The following CTSB variants were observed in gnomAD, a reference collection of about 807,000 sequenced individuals.
The protein encoded by CTSB is cathepsin B.
In CTSB, 57 loss-of-function variants were observed where a neutral mutation model predicts 44.3. That is an observed-to-expected ratio of 1.29 (90% confidence interval 1.04 to 1.60). The LOEUF (loss-of-function observed/expected upper bound fraction) is 1.60, where lower values mean the gene tolerates loss of function less well. CTSB is among the 40% of genes most tolerant of loss of function. CTSB has a pLI of 0.00. For synonymous variants in CTSB, 320 were observed against 168.0 expected (o/e 1.91, Z -7.00); for missense variants, 768 against 443.0 (o/e 1.73, Z -6.59).
intron 4 of CTSB, 33 bp downstream of exon 4, chr8:11,850,833 C>A (rs1364745836): frequency 6.6e-7 from 1 of 1,524,144 alleles, no homozygotes. Flanking sequence ...CACTTTCTCT[C>A]CAGCGCTTCC....
At position 11,843,140 on chromosome 8, in the gene CTSB, G is replaced by C. The variant is rs1812565406; in HGVS notation, c.*1985C>G. ...ATTTTTGTATTTTTAGTAGAGGTGAGGTTTCAGCATGTTGGCCAGGCTGGT... is the reference window on the plus strand; with the variant it reads ...ATTTTTGTATTTTTAGTAGAGGTGACGTTTCAGCATGTTGGCCAGGCTGGT... On this transcript the variant is annotated 3_prime_UTR_variant, in exon 10 of 10. Transcript: ENST00000353047. The C allele has an allele frequency of 1.3e-5, 2 of 151,864 alleles. No individual in the cohort carries two copies. The highest frequency in any genetic ancestry group is 2.9e-5 in the Non-Finnish European group (2 of 68,068). 9.4% of individuals were successfully genotyped at this position (151,864 alleles called of 1,614,324 possible). A position where few individuals can be genotyped will look rare whatever the true frequency, so the allele number is the denominator to read the frequency against.
At chr8:11,866,545 G>A (rs370497781) in intron 1 of CTSB, among the ~76,000 whole-genome samples, 3 of 152,218 alleles carry the variant, frequency 2.0e-5, no homozygotes, top group Non-Finnish European at 4.4e-5. Context: ...CTTTCTCCAG[G>A]AGCTGGCGGG....
chr8:11,847,606 G>T (rs950411269), intron 7 of CTSB, 73 bp downstream of exon 7: 4 of 1,469,004 alleles, frequency 2.7e-6, no homozygotes, highest in Non-Finnish European at 2.7e-6. Flanking sequence ...TGACCTCTTC[G>T]CTGCAGCGTG....
intron 1 of CTSB, among the ~76,000 whole-genome samples, chr8:11,856,959 G>A (rs1180051493): frequency 1.3e-5 from 2 of 152,138 alleles, no homozygotes; most frequent in Non-Finnish European, 2.9e-5. Flanking sequence ...ACTGATAAAA[G>A]GACATTTGTT....
intron 8 of CTSB, chr8:11,846,188 C>G (rs750108723): frequency 6.5e-6 from 1 of 153,888 alleles, no homozygotes; most frequent in African/African-American, 2.4e-5. Flanking sequence ...GCTCCAGGTA[C>G]ACCCTGAAGA....
chr8:11,847,924 C>T lies in CTSB; in HGVS notation c.533-102G>A, dbSNP rs368459092. Reference sequence around the variant, plus strand: ...CTGCAGCATGGACGCCAGGCAGGTCCTGCCAGAGGCCTGTGCACCTGGCTA... The same window carrying T: ...CTGCAGCATGGACGCCAGGCAGGTCTTGCCAGAGGCCTGTGCACCTGGCTA... On this transcript the variant is annotated intron_variant, in intron 6 of 9. Transcript: ENST00000353047. 1.2e-4 allele frequency: 165 copies of T among 1,427,362 alleles called. No individual in the cohort carries two copies. The East Asian group carries it at 1.8e-3, about 16-fold the overall frequency. The allele number at this position is 1,427,362 out of a possible 1,614,324, so 88.4% of individuals were successfully genotyped here.
At chr8:11,846,044 A>ATTGTAT (rs1813262250) in intron 8 of CTSB, 1 of 331,708 alleles carries the variant, frequency 3.0e-6, no homozygotes, top group Non-Finnish European at 5.5e-6. Flanking sequence ...GGCTTTAAAA[A>ATTGTAT]TAGAATTTCT....
intron 1 of CTSB, among the ~76,000 whole-genome samples, chr8:11,865,927 G>A (rs1238770545): frequency 1.3e-5 from 2 of 149,502 alleles, no homozygotes; most frequent in African/African-American, 2.5e-5. Context: ...GCTGAGACAG[G>A]AGAATTGCTT....
At chr8:11,858,391 C>T (rs1444091966) in intron 1 of CTSB, among the ~76,000 whole-genome samples, 1 of 152,140 alleles carries the variant, frequency 6.6e-6, no homozygotes, top group Non-Finnish European at 1.5e-5. Context: ...GCCTCCTGGG[C>T]TCAAGAGATC....
At chr8:11,858,734 G>A (rs771856626) in intron 1 of CTSB, among the ~76,000 whole-genome samples, 1 of 152,184 alleles carries the variant, frequency 6.6e-6, no homozygotes, top group South Asian at 2.1e-4. Context: ...ACTCCATTGT[G>A]CAACAGGCGC....
intron 1 of CTSB, chr8:11,854,669 TG>T (rs1197180675): frequency 6.6e-6 from 1 of 152,086 alleles, no homozygotes; most frequent in Admixed American, 6.6e-5. Flanking sequence ...TTAGTAGAGA[TG>T]GGGTTTTACC....
rs1212795411 is a variant in CTSB, at chr8:11,844,877, C to G, written c.*248G>C. On this transcript the variant is annotated 3_prime_UTR_variant, in exon 10 of 10. Transcript: ENST00000353047. ...AGTCAGCTGGGGCAGCAGGTACTCC[C>G]TACGGCACTAGTCTACAGGGGGAAG... The G allele has an allele frequency of 7.9e-6, 4 of 508,968 alleles. No homozygotes were observed. The highest frequency in any genetic ancestry group is 1.9e-5 in the African/African-American group (1 of 52,440). 31.5% of individuals were successfully genotyped at this position (508,968 alleles called of 1,614,324 possible). A position where few individuals can be genotyped will look rare whatever the true frequency, so the allele number is the denominator to read the frequency against.
At chr8:11,848,699 C>T (rs969015114) in intron 5 of CTSB, 23 of 301,896 alleles carry the variant, frequency 7.6e-5, no homozygotes, top group African/African-American at 3.6e-4. Context: ...GAGCCATCCC[C>T]GCTAACTACA....
chr8:11,853,233 G>A, intron 2 of CTSB, 96 bp downstream of exon 2: 2 of 1,517,884 alleles, frequency 1.3e-6, no homozygotes, highest in Non-Finnish European at 9.0e-7. Context: ...ACAATGTTCT[G>A]TGGGCCACAG....
intron 1 of CTSB, among the ~76,000 whole-genome samples, chr8:11,856,066 G>C (rs568170954): frequency 1.2e-4 from 18 of 152,038 alleles, no homozygotes; most frequent in Non-Finnish European, 1.9e-4. Context: ...TCAACCTCAG[G>C]GAGGTGCAGA....
Position 11,850,615 on chromosome 8 carries a change from G to T in CTSB, c.327+251C>A, listed in dbSNP as rs997358307. ...TTTGCGGACGGGCCAGCATGTCAGG[G>T]AAAGGGAGCTGCTTCGCCACCTGTA... On this transcript the variant is annotated intron_variant, in intron 4 of 9. Transcript: ENST00000353047. 66 of 343,702 alleles carry T rather than the reference G, an allele frequency of 1.9e-4. 2 individuals are homozygous for T. In the Admixed American group the frequency reaches 2.6e-3, roughly 14 times the overall value. The allele number at this position is 343,702 out of a possible 1,614,324, so 21.3% of individuals were successfully genotyped here.
intron 4 of CTSB, chr8:11,850,089 C>G (rs1346809650): frequency 6.6e-6 from 1 of 152,140 alleles, no homozygotes; most frequent in Non-Finnish European, 1.5e-5. Context: ...GGTGGCTGAG[C>G]AACACTGTGA....
chr8:11,867,746 G>C (rs1817377858), intron 1 of CTSB: 1 of 152,244 alleles, frequency 6.6e-6, no homozygotes, highest in African/African-American at 2.4e-5. Flanking sequence ...GGGGAGGGGA[G>C]CGGAGGGCAG....
chr8:11,846,905 G>C, intron 8 of CTSB, 147 bp downstream of exon 8: 1 of 642,830 alleles, frequency 1.6e-6, no homozygotes, highest in Non-Finnish European at 2.8e-6. Context: ...AGAGGAGTGA[G>C]CCTATATGGA....
Sources: allele counts gnomAD v4.1 joint callset (sites outside exome capture counted in the v4.1 genomes callset), GRCh38; gene constraint gnomAD v4.1.1; transcripts MANE v1.5; gene names NCBI Gene and HGNC (gene_info 2026-07-23, HGNC 2026-07-21).